Variants in CCSER1 observed in about 807,000 individuals in gnomAD.
CCSER1 encodes the protein serine-rich coiled-coil domain-containing protein 1.
In CCSER1, 41 loss-of-function variants were observed where a neutral mutation model predicts 82.0. The ratio of observed to expected loss-of-function variants is 0.50; its 90% CI spans 0.39 to 0.65. CCSER1 has a LOEUF of 0.65. Among genes scored for constraint, CCSER1 ranks in the 30% least tolerant of loss-of-function variants. The probability of loss-of-function intolerance (pLI) is 0.00; values close to 1 mark genes in which losing one functional copy is unlikely to be tolerated. For synonymous variants in CCSER1, 414 were observed against 383.9 expected (o/e 1.08, Z -0.92); for missense variants, 1,119 against 1,064.2 (o/e 1.05, Z -0.72).
At chr4:90,982,495 T>C (rs1715506680) in intron 9 of CCSER1, among the ~76,000 whole-genome samples, 1 of 151,794 alleles carries the variant, frequency 6.6e-6, no homozygotes, top group South Asian at 2.1e-4. Flanking sequence ...TAATTTGCAA[T>C]TTTAACCAAG....
chr4:91,390,443 A>G (rs2149348932), intron 10 of CCSER1, among the ~76,000 whole-genome samples: 1 of 151,976 alleles, frequency 6.6e-6, no homozygotes, highest in East Asian at 1.9e-4. Flanking sequence ...TTATTTGCTA[A>G]TTATGTTAAA....
At chr4:90,248,090 T>C (rs1447638122) in intron 1 of CCSER1, among the ~76,000 whole-genome samples, 2 of 152,168 alleles carry the variant, frequency 1.3e-5, no homozygotes, top group African/African-American at 2.4e-5. Context: ...CAAATATATT[T>C]AGCTATTTCT....
chr4:91,369,895 T>C (rs1749913291), intron 10 of CCSER1, among the ~76,000 whole-genome samples: 1 of 151,556 alleles, frequency 6.6e-6, no homozygotes, highest in Non-Finnish European at 1.5e-5. Context: ...TTGGCCAGGA[T>C]GGTCTTGACC....
At chr4:90,927,216 G>A (rs962942696) in intron 9 of CCSER1, among the ~76,000 whole-genome samples, 2 of 151,924 alleles carry the variant, frequency 1.3e-5, no homozygotes, top group Non-Finnish European at 2.9e-5. Context: ...TTCAGATAAT[G>A]CCTGAAATTG....
chr4:91,056,056 CT>C (rs1442535827), intron 9 of CCSER1, among the ~76,000 whole-genome samples: 2 of 152,008 alleles, frequency 1.3e-5, no homozygotes, highest in African/African-American at 2.4e-5. Flanking sequence ...AAGTTTTTAT[CT>C]CCTTATTGAT....
At chr4:91,256,244 A>G (rs1377797867) in intron 10 of CCSER1, among the ~76,000 whole-genome samples, 1 of 152,116 alleles carries the variant, frequency 6.6e-6, no homozygotes, top group African/African-American at 2.4e-5. Context: ...CAGCCTTGCT[A>G]GGATTAGGAA....
intron 8 of CCSER1, among the ~76,000 whole-genome samples, chr4:90,917,523 G>A (rs578083903): frequency 3.0e-4 from 45 of 152,216 alleles, no homozygotes; most frequent in African/African-American, 1.0e-3. Flanking sequence ...GGGGTAGAAG[G>A]AGGGGGGAGG....
intron 8 of CCSER1, among the ~76,000 whole-genome samples, chr4:90,818,553 A>G (rs1759335363): frequency 6.6e-6 from 1 of 152,218 alleles, no homozygotes; most frequent in Non-Finnish European, 1.5e-5. Flanking sequence ...CTGGGATTAC[A>G]GATGTGAGCC....
At chr4:90,307,156 G>A (rs183206258) in intron 1 of CCSER1, among the ~76,000 whole-genome samples, 255 of 152,246 alleles carry the variant, frequency 1.7e-3, no homozygotes, top group African/African-American at 5.9e-3. Flanking sequence ...GTGTGAAAGA[G>A]ATAATCTGTG....
chr4:90,700,032 C>T (rs62314429), intron 6 of CCSER1, among the ~76,000 whole-genome samples: 23,094 of 151,366 alleles, frequency 0.15, 1,975 homozygotes, highest in Non-Finnish European at 0.19. Context: ...TACATGTGTA[C>T]GACATGCAGG....
intron 3 of CCSER1, among the ~76,000 whole-genome samples, chr4:90,316,003 C>T (rs746965948): frequency 2.0e-5 from 3 of 152,156 alleles, no homozygotes; most frequent in Non-Finnish European, 2.9e-5. Context: ...TAAGCAACTG[C>T]ATGTATTTAA....
intron 6 of CCSER1, among the ~76,000 whole-genome samples, chr4:90,696,137 T>C (rs1292463866): frequency 6.6e-6 from 1 of 152,104 alleles, no homozygotes; most frequent in Non-Finnish European, 1.5e-5. Context: ...GCTGATTTTG[T>C]TTTTCATTTT....
intron 5 of CCSER1, among the ~76,000 whole-genome samples, chr4:90,587,611 T>G (rs1782179437): frequency 6.6e-6 from 1 of 152,214 alleles, no homozygotes; most frequent in Admixed American, 6.5e-5. Flanking sequence ...TCAATAAATG[T>G]AACTCGTTTA....
intron 10 of CCSER1, among the ~76,000 whole-genome samples, chr4:91,161,044 T>C (rs191566358): frequency 4.1e-4 from 63 of 152,342 alleles, no homozygotes; most frequent in African/African-American, 1.4e-3. Context: ...AGGTTTAACA[T>C]TTAACTCTTT....
chr4:91,491,107 T>A (rs1038845591), intron 10 of CCSER1, among the ~76,000 whole-genome samples: 2 of 151,000 alleles, frequency 1.3e-5, no homozygotes. Flanking sequence ...GAAACATGGC[T>A]TAATAAAGTT....
At chr4:90,665,383 G>C in intron 6 of CCSER1, among the ~76,000 whole-genome samples, 1 of 150,510 alleles carries the variant, frequency 6.6e-6, no homozygotes. Flanking sequence ...GTGCAGTGGC[G>C]TGATCTCGGC....
intron 10 of CCSER1, among the ~76,000 whole-genome samples, chr4:91,479,702 CT>C (rs929427075): frequency 3.8e-5 from 4 of 103,910 alleles, no homozygotes; most frequent in African/African-American, 9.0e-5. Flanking sequence ...TTTTTTTTTT[CT>C]TTTTTTTCTT....
chr4:90,572,896 A>T lies in CCSER1; in HGVS notation c.1725-55129A>T, dbSNP rs538475701. Among the ~76,000 whole-genome samples the T allele has an allele frequency of 3.3e-5, 5 of 152,250 alleles. No individual in the cohort carries two copies. The South Asian group carries it at 6.2e-4, about 19-fold the overall frequency. ...TGTCTTGTTTTTCTAATTATTCTTC[A>T]TCCTTGTGATTGAGCATTGATGTCT... On this transcript the variant is annotated intron_variant, in intron 5 of 10. Coordinates refer to ENST00000509176, the MANE Select transcript of CCSER1 (RefSeq NM_001145065.2).
chr4:91,571,396 G>C (rs1019244726), intron 10 of CCSER1, among the ~76,000 whole-genome samples: 10 of 152,138 alleles, frequency 6.6e-5, no homozygotes, highest in African/African-American at 2.4e-4. Flanking sequence ...TTCTCAGGCT[G>C]CTATCAAGAA....
Sources: gnomAD v4.1 joint callset for allele counts (sites outside exome capture counted in the v4.1 genomes callset) on GRCh38, gnomAD v4.1.1 for gene constraint, MANE v1.5 for transcripts, NCBI Gene and HGNC (gene_info 2026-07-23, HGNC 2026-07-21) for gene names.